KCND2: variants seen among roughly 807,000 people sequenced by gnomAD.
The protein encoded by KCND2 is potassium voltage-gated channel subfamily D member 2.
KCND2 carries 16 observed loss-of-function variants against 54.4 expected under a neutral mutation model. That is an observed-to-expected ratio of 0.29 (90% CI 0.20 to 0.45). KCND2 has a LOEUF of 0.45. Ranked by LOEUF, KCND2 falls within the 20% of genes least tolerant of loss-of-function variation. KCND2 has a pLI of 1.00. For missense variants in KCND2, 486 were observed against 824.2 expected, an observed-to-expected ratio of 0.59 and a Z score of 5.02; for synonymous variants, 317 against 310.7, an observed-to-expected ratio of 1.02 and a Z score of -0.21.
chr7:120,305,781 AG>A (rs1217126366), intron 1 of KCND2, among the ~76,000 whole-genome samples: 5 of 152,176 alleles, frequency 3.3e-5, no homozygotes, highest in African/African-American at 1.2e-4. Flanking sequence ...GTAGAATTAC[AG>A]TATTTATAAA....
rs187203276 is a variant in KCND2, at chr7:120,653,252, C to A, written c.1116-79651C>A. Among the ~76,000 whole-genome samples the A allele has an allele frequency of 3.1e-3, 459 of 150,256 alleles. 4 individuals are homozygous for A. Among genetic ancestry groups the A allele is most frequent in the African/African-American group, 0.011 (430 of 40,824 alleles). Reference sequence around the variant, plus strand: ...GTAGAGATGGGGTCTCTCTATGTTACCCAGCCTGGTCTCAAACTTCTGAGC... The same window carrying A: ...GTAGAGATGGGGTCTCTCTATGTTAACCAGCCTGGTCTCAAACTTCTGAGC... On this transcript the variant is annotated intron_variant, in intron 1 of 5. Transcript: ENST00000331113.
At chr7:120,322,687 T>A (rs781221986) in intron 1 of KCND2, among the ~76,000 whole-genome samples, 1 of 152,110 alleles carries the variant, frequency 6.6e-6, no homozygotes, top group East Asian at 1.9e-4. Context: ...CCATATCCTG[T>A]TCTCTGGGTG....
chr7:120,379,434 G>A (rs1800884115), intron 1 of KCND2, among the ~76,000 whole-genome samples: 1 of 151,898 alleles, frequency 6.6e-6, no homozygotes, highest in Non-Finnish European at 1.5e-5. Context: ...TTCTTTATTA[G>A]CTGACTATAG....
intron 1 of KCND2, among the ~76,000 whole-genome samples, chr7:120,378,883 C>G (rs1366888165): frequency 6.6e-6 from 1 of 151,880 alleles, no homozygotes; most frequent in Non-Finnish European, 1.5e-5. Context: ...ATATTACATT[C>G]TAAGTGGCAA....
chr7:120,680,897 C>CAAAT (rs752426378), intron 1 of KCND2, among the ~76,000 whole-genome samples: 1 of 105,410 alleles, frequency 9.5e-6, no homozygotes, highest in Non-Finnish European at 1.9e-5. Flanking sequence ...ATCCAATACC[C>CAAAT]AAATACTAAA....
Position 120,741,989 on chromosome 7 carries a change from T to C in KCND2, c.1374+360T>C, listed in dbSNP as rs368115648. ...CTTAACGTTCATTTGGGTCAGGGGT[T>C]GGGGTGGGTGGCTAACATGATGTCT... On this transcript the variant is annotated intron_variant, in intron 3 of 5. Transcript: ENST00000331113. Among the ~76,000 whole-genome samples the C allele has an allele frequency of 1.9e-4, 29 of 152,262 alleles. 1 individual carries two copies. The highest frequency in any genetic ancestry group is 6.7e-4 in the African/African-American group (28 of 41,578).
At chr7:120,408,825 A>G (rs1450831213) in intron 1 of KCND2, among the ~76,000 whole-genome samples, 4 of 151,942 alleles carry the variant, frequency 2.6e-5, no homozygotes, top group Non-Finnish European at 5.9e-5. Context: ...AAATAATTCC[A>G]TAGTACATAT....
chr7:120,721,459 T>C (rs2116104503), intron 1 of KCND2, among the ~76,000 whole-genome samples: 1 of 152,312 alleles, frequency 6.6e-6, no homozygotes, highest in Non-Finnish European at 1.5e-5. Context: ...TTGATTGGAA[T>C]AGAATCTTTC....
intron 1 of KCND2, among the ~76,000 whole-genome samples, chr7:120,391,992 G>A (rs1289783653): frequency 6.6e-5 from 10 of 151,784 alleles, no homozygotes; most frequent in African/African-American, 1.7e-4. Flanking sequence ...ATCTTTGCCC[G>A]TGCGTATCCT....
chr7:120,466,576 C>T lies in KCND2; in HGVS notation c.1115+190829C>T, dbSNP rs144358809. On this transcript the variant is annotated intron_variant, in intron 1 of 5. Coordinates refer to ENST00000331113, the MANE Select transcript of KCND2 (RefSeq NM_012281.3). Reference sequence around the variant, plus strand: ...CCTTTAGCAATGCTTCCTTTACTCTCTCTCTCTCATTAACAAATTGCCCCT... The same window carrying T: ...CCTTTAGCAATGCTTCCTTTACTCTTTCTCTCTCATTAACAAATTGCCCCT... Among the ~76,000 whole-genome samples, 713 of 152,172 alleles carry T rather than the reference C, an allele frequency of 4.7e-3. 7 individuals are homozygous for T. Among genetic ancestry groups the T allele is most frequent in the African/African-American group, 0.016 (671 of 41,532 alleles).
intron 1 of KCND2, among the ~76,000 whole-genome samples, chr7:120,424,848 TAGTA>T (rs1296606474): frequency 2.6e-5 from 4 of 152,172 alleles, no homozygotes; most frequent in Non-Finnish European, 4.4e-5. Context: ...TAAGGAAAAT[TAGTA>T]AGAGACATTT....
At chr7:120,288,824 C>A (rs1799387335) in intron 1 of KCND2, among the ~76,000 whole-genome samples, 1 of 152,056 alleles carries the variant, frequency 6.6e-6, no homozygotes, top group South Asian at 2.1e-4. Flanking sequence ...AACATAACTT[C>A]ATGCAAACCC....
At chr7:120,331,811 C>T (rs1467629887) in intron 1 of KCND2, among the ~76,000 whole-genome samples, 1 of 152,040 alleles carries the variant, frequency 6.6e-6, no homozygotes, top group African/African-American at 2.4e-5. Context: ...AAAGAACTCT[C>T]AAAAATCACC....
intron 1 of KCND2, among the ~76,000 whole-genome samples, chr7:120,441,961 A>G (rs1410620103): frequency 1.3e-5 from 2 of 152,076 alleles, no homozygotes; most frequent in Admixed American, 6.6e-5. Context: ...TTTTTGGTTA[A>G]CTGACATCCA....
At chr7:120,590,857 G>C (rs1792662419) in intron 1 of KCND2, among the ~76,000 whole-genome samples, 1 of 152,068 alleles carries the variant, frequency 6.6e-6, no homozygotes, top group Non-Finnish European at 1.5e-5. Context: ...CCTTGTCTAG[G>C]ATAACTTGTT....
intron 1 of KCND2, among the ~76,000 whole-genome samples, chr7:120,388,697 T>G (rs2116045691): frequency 6.6e-6 from 1 of 152,062 alleles, no homozygotes; most frequent in South Asian, 2.1e-4. Flanking sequence ...GAGCTCCCCA[T>G]GTGGGCATCC....
chr7:120,524,090 T>C (rs1454966895), intron 1 of KCND2, among the ~76,000 whole-genome samples: 6 of 151,556 alleles, frequency 4.0e-5, no homozygotes, highest in African/African-American at 7.3e-5. Flanking sequence ...CAAAAATTAG[T>C]TGGGCGTGGT....
At chr7:120,487,651 T>C (rs1280493538) in intron 1 of KCND2, among the ~76,000 whole-genome samples, 1 of 152,152 alleles carries the variant, frequency 6.6e-6, no homozygotes, top group African/African-American at 2.4e-5. Flanking sequence ...AGTGACCATG[T>C]GTGGTCTCCC....
chr7:120,420,699 G>A (rs763120462), intron 1 of KCND2, among the ~76,000 whole-genome samples: 8 of 152,228 alleles, frequency 5.3e-5, no homozygotes, highest in Non-Finnish European at 7.4e-5. Flanking sequence ...TGATGAGTAC[G>A]GAGGCTGGAT....
Sources: allele counts gnomAD v4.1 joint callset (sites outside exome capture counted in the v4.1 genomes callset), GRCh38; gene constraint gnomAD v4.1.1; transcripts MANE v1.5; gene names NCBI Gene and HGNC (gene_info 2026-07-23, HGNC 2026-07-21).